The following LMNB1 variants were observed in gnomAD, a reference collection of about 807,000 sequenced individuals.
The protein encoded by LMNB1 is lamin B1, also known as lamin-B1.
LMNB1 carries 23 observed loss-of-function variants against 67.1 expected under a neutral mutation model. That is an observed-to-expected ratio of 0.34 (90% CI 0.25 to 0.49). The LOEUF (loss-of-function observed/expected upper bound fraction) is 0.49, where lower values mean the gene tolerates loss of function less well. LMNB1 is among the 20% of genes least tolerant of loss of function. LMNB1 has a pLI of 0.99. For synonymous variants in LMNB1, 281 were observed against 282.9 expected (o/e 0.99, Z 0.07); for missense variants, 634 against 746.5 (o/e 0.85, Z 1.76).
rs1751799030 is a variant in LMNB1 at position 126,819,123 on chromosome 5, T to C, written c.1141T>C (p.Leu381=). The C allele has an allele frequency of 9.3e-6, 15 of 1,613,942 alleles. No homozygotes were observed. Among genetic ancestry groups the C allele is most frequent in the Non-Finnish European group, 1.1e-5 (13 of 1,179,848 alleles). ...DMEISAYRKL[L]EGEEERLKLS... ...GGAAATCAGTGCTTACAGGAAACTC[T>C]TAGAAGGCGAAGAAGAGAGGTAAGG... is the stretch of plus-strand genomic sequence containing the variant. The change falls in exon 6 of 11, where the codon TTA becomes CTA. Residue 381 remains leucine (L), a synonymous_variant. Coordinates refer to ENST00000261366, the MANE Select transcript of LMNB1 (RefSeq NM_005573.4).
intron 5 of LMNB1, among the ~76,000 whole-genome samples, chr5:126,812,650 C>T (rs72780207): frequency 0.055 from 8,389 of 151,924 alleles, 263 homozygotes; most frequent in Middle Eastern, 0.097. Context: ...AAATAACTTC[C>T]GCTTCTATTT....
chr5:126,802,876 C>T (rs1287728546), intron 1 of LMNB1, among the ~76,000 whole-genome samples: 3 of 151,974 alleles, frequency 2.0e-5, no homozygotes, highest in African/African-American at 7.2e-5. Context: ...ATGTAGAACT[C>T]CATTTAAAAA....
At position 126,777,567 on chromosome 5, in the gene LMNB1, C is replaced by T. The variant is rs1259876642; in HGVS notation, c.59C>T (p.Thr20Met). 3 of 1,475,318 alleles carry T rather than the reference C, an allele frequency of 2.0e-6. No individual in the cohort carries two copies. Among genetic ancestry groups the T allele is most frequent in the African/African-American group, 1.5e-5 (1 of 68,164 alleles). The allele number at this position is 1,475,318 out of a possible 1,614,324, so 91.4% of individuals were successfully genotyped here. ...GGCAGCCGCGCTGGCGGCCCCACCA[C>T]GCCGCTGAGCCCCACGCGCCTGTCG... Reference protein sequence around the residue: ...RMGSRAGGPTTPLSPTRLSRL... With the variant: ...RMGSRAGGPTMPLSPTRLSRL... Residue 20 changes from threonine (T) to methionine (M), a missense_variant, in exon 1 of 11, where the codon ACG (threonine) becomes ATG (methionine). By Grantham distance (81) the Thr-to-Met change is moderately conservative. Coordinates refer to ENST00000261366, the MANE Select transcript of LMNB1 (RefSeq NM_005573.4).
intron 3 of LMNB1, among the ~76,000 whole-genome samples, chr5:126,806,659 C>A (rs942202570): frequency 1.3e-5 from 2 of 152,124 alleles, no homozygotes; most frequent in African/African-American, 4.8e-5. Context: ...CTACCAGCTA[C>A]CAAGGCAGAA....
At chr5:126,797,378 G>A (rs912239195) in intron 1 of LMNB1, among the ~76,000 whole-genome samples, 1 of 152,182 alleles carries the variant, frequency 6.6e-6, no homozygotes, top group Admixed American at 6.6e-5. Context: ...AACATAGGAA[G>A]ATCTCCTTAT....
Position 126,777,307 on chromosome 5 carries a change from T to C in LMNB1, c.-202T>C. 2.4e-6 allele frequency: 1 copy of C among 408,498 alleles called. No individual in the cohort carries two copies. The highest frequency in any genetic ancestry group is 3.9e-5 in the East Asian group (1 of 25,532). 25.3% of individuals were successfully genotyped at this position (408,498 alleles called of 1,614,324 possible). On this transcript the variant is annotated 5_prime_UTR_variant, in exon 1 of 11. Coordinates refer to ENST00000261366, the MANE Select transcript of LMNB1 (RefSeq NM_005573.4). The stretch of plus-strand genomic sequence containing the variant: ...CGCGATCGATCGATTGATTCGTAGT[T>C]CCCCCCCGCGCGCCTTTGCCCTTTG...
chr5:126,786,451 C>T (rs1241274488), intron 1 of LMNB1, among the ~76,000 whole-genome samples: 2 of 152,150 alleles, frequency 1.3e-5, no homozygotes, highest in East Asian at 1.9e-4. Context: ...ATGATAACTG[C>T]TGATGAGTAA....
Position 126,836,860 on chromosome 5 carries a change from T to A in LMNB1, c.*596T>A, listed in dbSNP as rs1371810527. 5.1e-6 allele frequency: 2 copies of A among 390,818 alleles called. No individual in the cohort carries two copies. The highest frequency in any genetic ancestry group is 1.3e-4 in the South Asian group (1 of 7,628). The allele number at this position is 390,818 out of a possible 1,614,324, so 24.2% of individuals were successfully genotyped here. On this transcript the variant is annotated 3_prime_UTR_variant, in exon 11 of 11. Coordinates refer to ENST00000261366, the MANE Select transcript of LMNB1 (RefSeq NM_005573.4). The stretch of plus-strand genomic sequence containing the variant: ...CACAAAACTTGGTTTTATGGTTACT[T>A]CTTCTCTTAGATTCTTAATTCATGA...
Position 126,822,872 on chromosome 5 carries a change from G to C in LMNB1, c.1478G>C (p.Gly493Ala). Residue 493 changes from glycine to alanine, a missense_variant, in exon 8 of 11, where the codon GGC becomes GCC. Gly to Ala is a moderately conservative substitution (Grantham distance 60). Coordinates refer to ENST00000261366, the MANE Select transcript of LMNB1 (RefSeq NM_005573.4). Reference sequence around the variant, plus strand: ...ACCTCAAGATATGTGCTGAAGGCAGGCCAGACTGTTACAGTAAGTGAATCT... The same window carrying C: ...ACCTCAAGATATGTGCTGAAGGCAGCCCAGACTGTTACAGTAAGTGAATCT... ...KYTSRYVLKA[G>A]QTVTIWAANA... 6.3e-7 allele frequency: 1 copy of C among 1,590,518 alleles called. No homozygotes were observed. Among genetic ancestry groups the C allele is most frequent in the Non-Finnish European group, 8.6e-7 (1 of 1,159,004 alleles).
At position 126,777,467 on chromosome 5, in the gene LMNB1, C is replaced by A. The variant is rs1189531819; in HGVS notation, c.-42C>A. On this transcript the variant is annotated 5_prime_UTR_variant, in exon 1 of 11. Transcript: ENST00000261366. ...CCTGCCGTCCCCTCCTTATCACGGT[C>A]CCGCTCGCGGCCTCGCCGCCCCGCT... is the stretch of plus-strand genomic sequence containing the variant. 39 of 1,296,856 alleles carry A rather than the reference C, an allele frequency of 3.0e-5. No individual in the cohort carries two copies. Among genetic ancestry groups the A allele is most frequent in the Non-Finnish European group, 3.8e-5 (39 of 1,027,094 alleles). The allele number at this position is 1,296,856 out of a possible 1,614,324, so 80.3% of individuals were successfully genotyped here.
chr5:126,820,840 T>G (rs200471930), intron 6 of LMNB1, 70 bp from the exon 7 acceptor site: 7 of 221,388 alleles, frequency 3.2e-5, no homozygotes, highest in Non-Finnish European at 2.5e-5. Context: ...TGTTTTTTTG[T>G]TTTTTTTTTT....
At chr5:126,806,526 C>T (rs147761148) in intron 3 of LMNB1, among the ~76,000 whole-genome samples, 87 of 152,208 alleles carry the variant, frequency 5.7e-4, no homozygotes, top group Middle Eastern at 3.4e-3. Context: ...GTGGGCAGGA[C>T]GTGTCAGTTC....
At chr5:126,815,425 TAG>T (rs1751683539) in intron 5 of LMNB1, among the ~76,000 whole-genome samples, 1 of 152,232 alleles carries the variant, frequency 6.6e-6, no homozygotes, top group African/African-American at 2.4e-5. Flanking sequence ...ATTGGTTGGT[TAG>T]AGTCTGCTTG....
intron 5 of LMNB1, among the ~76,000 whole-genome samples, chr5:126,817,698 C>G (rs1235655917): frequency 1.3e-5 from 2 of 152,152 alleles, no homozygotes; most frequent in East Asian, 3.8e-4. Flanking sequence ...AATTTTGAAC[C>G]TGTACTGCTG....
chr5:126,814,939 T>G (rs1751672746), intron 5 of LMNB1, among the ~76,000 whole-genome samples: 1 of 152,168 alleles, frequency 6.6e-6, no homozygotes, highest in Non-Finnish European at 1.5e-5. Flanking sequence ...CACTGGGGGT[T>G]TCCAGGAGCT....
At chr5:126,829,061 A>G (rs971856662) in intron 9 of LMNB1, among the ~76,000 whole-genome samples, 1 of 151,878 alleles carries the variant, frequency 6.6e-6, no homozygotes, top group Non-Finnish European at 1.5e-5. Flanking sequence ...GGAACAATCT[A>G]TAAACAATCC....
rs780865757 is a variant in LMNB1 at position 126,819,020 on chromosome 5, G to A, written c.1038G>A (p.Met346Ile). ...TGCTGACAGACAAAGAGAGAGAGAT[G>A]GCGGAAATAAGGGATCAAATGCAGC... is the stretch of plus-strand genomic sequence containing the variant. ...RRMLTDKERE[M>I]AEIRDQMQQQ... The change falls in exon 6 of 11, where the codon ATG (methionine) becomes ATA (isoleucine). Residue 346 changes from methionine (M) to isoleucine (I), a missense_variant. Physicochemically the swap from Met to Ile is conservative, Grantham distance 10. Coordinates refer to ENST00000261366, the MANE Select transcript of LMNB1 (RefSeq NM_005573.4). 6.2e-7 allele frequency: 1 copy of A among 1,614,112 alleles called. No homozygotes were observed. The highest frequency in any genetic ancestry group is 8.5e-7 in the Non-Finnish European group (1 of 1,179,970).
At chr5:126,788,465 C>T (rs557541790) in intron 1 of LMNB1, among the ~76,000 whole-genome samples, 11 of 152,050 alleles carry the variant, frequency 7.2e-5, no homozygotes, top group South Asian at 2.1e-4. Context: ...GGCGAAACCC[C>T]GTTTCTACTA....
At chr5:126,832,944 G>C (rs1292424871) in intron 10 of LMNB1, 143 bp downstream of exon 10, 4 of 473,922 alleles carry the variant, frequency 8.4e-6, no homozygotes, top group Non-Finnish European at 1.5e-5. Flanking sequence ...CTCCCCAAAG[G>C]GATATTCAAG....
Sources: allele counts gnomAD v4.1 joint callset (sites outside exome capture counted in the v4.1 genomes callset), GRCh38; gene constraint gnomAD v4.1.1; transcripts MANE v1.5; gene names NCBI Gene and HGNC (gene_info 2026-07-23, HGNC 2026-07-21).